The following DHRSX variants were observed in gnomAD, a reference collection of about 807,000 sequenced individuals.
DHRSX encodes the protein polyprenol dehydrogenase.
DHRSX carries 31 observed loss-of-function variants against 34.0 expected under a neutral mutation model. The observed-to-expected ratio is 0.91, with a 90% confidence interval of 0.69 to 1.23. The LOEUF (loss-of-function observed/expected upper bound fraction) is 1.23. Ranked by LOEUF, DHRSX falls within the 50% of genes most tolerant of loss-of-function variation. DHRSX has a pLI of 0.00. For missense variants in DHRSX, 414 were observed against 428.1 expected (o/e 0.97, Z 0.29); for synonymous variants, 201 against 183.8 (o/e 1.09, Z -0.76).
At chrX:2,458,243 A>G (rs764185442) in intron 1 of DHRSX, among the ~76,000 whole-genome samples, 1 of 152,308 alleles carries the variant, frequency 6.6e-6, no homozygotes, top group South Asian at 2.1e-4. Flanking sequence ...CACCTTGTAC[A>G]AAGTGAAGAC....
intron 3 of DHRSX, among the ~76,000 whole-genome samples, chrX:2,298,284 A>G (rs1204701090): frequency 7.0e-6 from 1 of 142,154 alleles, no homozygotes; most frequent in East Asian, 2.0e-4. Context: ...GGGAGAGGAT[A>G]TATTTCTATT....
intron 1 of DHRSX, 81 bp from the exon 2 acceptor site, chrX:2,425,385 G>T: frequency 8.3e-7 from 1 of 1,210,444 alleles, no homozygotes; most frequent in Non-Finnish European, 1.2e-6. Context: ...CTCCAGAGAG[G>T]CAAGATGCCA....
intron 2 of DHRSX, among the ~76,000 whole-genome samples, chrX:2,423,702 T>C (rs1300663691): frequency 6.6e-6 from 1 of 152,162 alleles, no homozygotes; most frequent in Non-Finnish European, 1.5e-5. Flanking sequence ...TGATTTAGAC[T>C]TCCCCAGGTA....
In DHRSX at chrX:2,349,780, G is replaced by A. The variant is rs185590411; in HGVS notation, c.287-58177C>T. Among the ~76,000 whole-genome samples, 1,129 of 152,148 alleles carry A rather than the reference G, an allele frequency of 7.4e-3. 39 individuals are homozygous for A. The highest frequency in any genetic ancestry group is 0.062 in the Admixed American group (942 of 15,276). ...AATTGGGCTGAGCAAGGTGGCTCAC[G>A]CCTGTAATTCCAGCACTTTGGGAGG... On this transcript the variant is annotated intron_variant, in intron 3 of 6. Coordinates refer to ENST00000334651, the MANE Select transcript of DHRSX (RefSeq NM_145177.3).
intron 1 of DHRSX, among the ~76,000 whole-genome samples, chrX:2,427,197 G>A (rs191402798): frequency 6.6e-6 from 1 of 152,204 alleles, no homozygotes; most frequent in Admixed American, 6.5e-5. Context: ...GTGACGGTGA[G>A]AGCAAAAGTC....
chrX:2,228,876 G>C (rs2015799157), intron 6 of DHRSX, among the ~76,000 whole-genome samples: 1 of 152,110 alleles, frequency 6.6e-6, no homozygotes, highest in South Asian at 2.1e-4. Context: ...TTGCAGAAGA[G>C]ACACACACAG....
chrX:2,484,407 G>A (rs1469052816), intron 1 of DHRSX, among the ~76,000 whole-genome samples: 2 of 152,214 alleles, frequency 1.3e-5, no homozygotes, highest in East Asian at 3.9e-4. Context: ...AGGACCTCCC[G>A]CATCTGACTG....
At chrX:2,445,845 G>T (rs1481882177) in intron 1 of DHRSX, among the ~76,000 whole-genome samples, 1 of 151,034 alleles carries the variant, frequency 6.6e-6, no homozygotes, top group East Asian at 2.0e-4. Context: ...ACACACTGAG[G>T]ACGTTCCCTA....
At position 2,269,137 on chromosome X, in the gene DHRSX, GAGCT is replaced by G. The variant is rs1156858876; in HGVS notation, c.389-2194_389-2191del. ...TATGTGTTTGTGTGTATTTTATATG[GAGCT>G]ATCTATACATATATGTAGGTCTAGC... On this transcript the variant is annotated intron_variant, in intron 4 of 6. Coordinates refer to ENST00000334651, the MANE Select transcript of DHRSX (RefSeq NM_145177.3). Among the ~76,000 whole-genome samples, 3 of 152,200 alleles carry G rather than the reference GAGCT, an allele frequency of 2.0e-5. No homozygotes were observed. In the East Asian group the frequency reaches 5.8e-4, roughly 29 times the overall value.
chrX:2,430,691 AT>A (rs1407515271), intron 1 of DHRSX, among the ~76,000 whole-genome samples: 1 of 151,838 alleles, frequency 6.6e-6, no homozygotes, highest in Non-Finnish European at 1.5e-5. Context: ...CTGGCCCATC[AT>A]GTTCCTTCTT....
At chrX:2,400,044 C>T (rs2043467477) in intron 3 of DHRSX, among the ~76,000 whole-genome samples, 1 of 151,932 alleles carries the variant, frequency 6.6e-6, no homozygotes, top group Non-Finnish European at 1.5e-5. Context: ...TCCAAAACAA[C>T]AAAACAAAAA....
At chrX:2,325,935 C>A (rs1323330350) in intron 3 of DHRSX, among the ~76,000 whole-genome samples, 1 of 152,164 alleles carries the variant, frequency 6.6e-6, no homozygotes, top group Non-Finnish European at 1.5e-5. Flanking sequence ...AATGACGAAC[C>A]CCAGGGTATA....
chrX:2,342,445 G>T (rs1261659031), intron 3 of DHRSX, among the ~76,000 whole-genome samples: 1 of 152,048 alleles, frequency 6.6e-6, no homozygotes, highest in Non-Finnish European at 1.5e-5. Flanking sequence ...GCAGGACGGT[G>T]ACCATGAGTT....
intron 3 of DHRSX, among the ~76,000 whole-genome samples, chrX:2,331,223 C>G (rs1468883435): frequency 6.6e-6 from 1 of 151,998 alleles, no homozygotes; most frequent in Non-Finnish European, 1.5e-5. Context: ...GAGTTCAGCC[C>G]CATCTTCAAC....
rs188054508 is a variant in DHRSX at position 2,401,395 on chromosome X, G to A, written c.286+7350C>T. ...CAAAGAGCTGGGATGACAGGCGTGA[G>A]CCATCGTGCCTAGCCAGGAAGCTAA... On this transcript the variant is annotated intron_variant, in intron 3 of 6. Coordinates refer to ENST00000334651, the MANE Select transcript of DHRSX (RefSeq NM_145177.3). Among the ~76,000 whole-genome samples, 69 of 152,334 alleles carry A rather than the reference G, an allele frequency of 4.5e-4. 1 individual carries two copies. Among genetic ancestry groups the A allele is most frequent in the African/African-American group, 1.5e-3 (64 of 41,574 alleles).
At chrX:2,380,674 C>G (rs982467495) in intron 3 of DHRSX, among the ~76,000 whole-genome samples, 1 of 151,980 alleles carries the variant, frequency 6.6e-6, no homozygotes, top group Non-Finnish European at 1.5e-5. Flanking sequence ...TGAGTTCTCA[C>G]GAGGTCTGAC....
At chrX:2,389,991 C>T (rs2068683055) in intron 3 of DHRSX, among the ~76,000 whole-genome samples, 3 of 152,020 alleles carry the variant, frequency 2.0e-5, no homozygotes, top group South Asian at 2.1e-4. Flanking sequence ...ATGTCGGCCA[C>T]GGTGGTCTCG....
At chrX:2,333,071 C>A (rs2042501201) in intron 3 of DHRSX, among the ~76,000 whole-genome samples, 1 of 152,060 alleles carries the variant, frequency 6.6e-6, no homozygotes, top group Non-Finnish European at 1.5e-5. Context: ...TTACCCATTC[C>A]CCTGTTTTCT....
intron 5 of DHRSX, among the ~76,000 whole-genome samples, chrX:2,252,161 C>T (rs1181455071): frequency 1.3e-5 from 2 of 151,978 alleles, no homozygotes; most frequent in South Asian, 2.1e-4. Context: ...TCCTTGAACC[C>T]GGGAGGTAGA....
Sources: gnomAD v4.1 joint callset for allele counts (sites outside exome capture counted in the v4.1 genomes callset) on GRCh38, gnomAD v4.1.1 for gene constraint, MANE v1.5 for transcripts, NCBI Gene and HGNC (gene_info 2026-07-23, HGNC 2026-07-21) for gene names.